CCDC3: variants seen among roughly 807,000 people sequenced by gnomAD.
The protein encoded by CCDC3 is coiled-coil domain-containing protein 3.
A neutral mutation model predicts 21.4 loss-of-function variants in CCDC3; 24 were observed. The ratio of observed to expected loss-of-function variants is 1.12; its 90% confidence interval spans 0.81 to 1.58. The LOEUF is 1.58. Among genes scored for constraint, CCDC3 ranks in the 40% most tolerant of loss-of-function variants. The pLI, the probability that CCDC3 is intolerant of heterozygous loss-of-function variation, is 0.00. For synonymous variants in CCDC3, 186 were observed against 166.0 expected (o/e 1.12, Z -0.93); for missense variants, 425 against 360.9 (o/e 1.18, Z -1.44).
chr10:12,994,408 C>A (rs377728554), intron 2 of CCDC3, among the ~76,000 whole-genome samples: 7,353 of 131,236 alleles, frequency 0.056, 752 homozygotes, highest in African/African-American at 0.2. Flanking sequence ...AAAAACAAAA[C>A]AAAACAAAAA....
At chr10:13,059,915 C>T (rs1277775558) in intron 4 of CCDC3, among the ~76,000 whole-genome samples, 1 of 151,942 alleles carries the variant, frequency 6.6e-6, no homozygotes, top group Non-Finnish European at 1.5e-5. Context: ...GGTGAAACCC[C>T]CTCTCTACTA....
At chr10:13,003,340 T>TAAGAA (rs148560675), upstream of CCDC3, among the ~76,000 whole-genome samples, 10,367 of 152,198 alleles carry the variant, frequency 0.068, 528 homozygotes, top group African/African-American at 0.15. Flanking sequence ...ATTTTACAGA[T>TAAGAA]AACAGGCACA....
At chr10:13,037,129 G>GT (rs1207845040) in intron 5 of CCDC3, among the ~76,000 whole-genome samples, 2 of 151,934 alleles carry the variant, frequency 1.3e-5, no homozygotes, top group Admixed American at 1.3e-4. Flanking sequence ...TAATTCCCAT[G>GT]TTTTTATATA....
chr10:12,976,202 G>C (rs1050185850), intron 2 of CCDC3, among the ~76,000 whole-genome samples: 1 of 152,196 alleles, frequency 6.6e-6, no homozygotes, highest in Non-Finnish European at 1.5e-5. Flanking sequence ...AGCTAGGCAT[G>C]GGCAGCAGGG....
At chr10:13,096,548 G>A (rs899419724) in intron 3 of CCDC3, among the ~76,000 whole-genome samples, 12 of 152,122 alleles carry the variant, frequency 7.9e-5, no homozygotes, top group African/African-American at 2.9e-4. Context: ...TCTGGAGAGG[G>A]GAGGTCTCCT....
At chr10:13,092,093 C>T (rs934965099) in intron 3 of CCDC3, among the ~76,000 whole-genome samples, 2 of 152,112 alleles carry the variant, frequency 1.3e-5, no homozygotes, top group Admixed American at 6.5e-5. Context: ...GTGGTGGAGG[C>T]GGGCACACTG....
intron 2 of CCDC3, among the ~76,000 whole-genome samples, chr10:12,912,428 G>A (rs1161932146): frequency 6.6e-6 from 1 of 152,152 alleles, no homozygotes; most frequent in Non-Finnish European, 1.5e-5. Flanking sequence ...CGTCTTTCTA[G>A]AGGTCTATTT....
chr10:12,928,812 T>C (rs776016214), intron 2 of CCDC3, among the ~76,000 whole-genome samples: 2 of 152,138 alleles, frequency 1.3e-5, no homozygotes, highest in Non-Finnish European at 2.9e-5. Flanking sequence ...TGTTCCAGCA[T>C]CTCTCCAAAG....
chr10:12,908,651 C>G (rs1834216867), intron 2 of CCDC3, among the ~76,000 whole-genome samples: 1 of 147,310 alleles, frequency 6.8e-6, no homozygotes, highest in African/African-American at 2.6e-5. Flanking sequence ...CCTCTGTTGC[C>G]TATGCTGGAG....
rs573509877 is a variant in CCDC3, at chr10:13,033,917, T to C, written c.-2+15757A>G. The stretch of plus-strand genomic sequence containing the variant: ...TGGGACTGTAAACTAGTTCAACCAC[T>C]GTGGAAGACAGTGTGGCTATTCTGC... On this transcript the variant is annotated intron_variant, in intron 5 of 6. Coordinates refer to the CCDC3 transcript ENST00000378839. Among the ~76,000 whole-genome samples the C allele has an allele frequency of 2.8e-3, 430 of 152,324 alleles. 5 individuals carry two copies. The highest frequency in any genetic ancestry group is 1.0e-2 in the African/African-American group (415 of 41,574).
At chr10:12,951,911 G>C (rs1394165605) in intron 2 of CCDC3, among the ~76,000 whole-genome samples, 1 of 148,724 alleles carries the variant, frequency 6.7e-6, no homozygotes, top group Non-Finnish European at 1.5e-5. Flanking sequence ...TGGTGTTTTT[G>C]TAAGAACTCC....
intron 5 of CCDC3, among the ~76,000 whole-genome samples, chr10:13,027,624 T>C (rs1011096948): frequency 6.6e-6 from 1 of 151,790 alleles, no homozygotes; most frequent in African/African-American, 2.4e-5. Context: ...GGCGGGAGGA[T>C]TGCTTGAGCT....
intron 5 of CCDC3, among the ~76,000 whole-genome samples, chr10:13,010,563 G>A: frequency 6.6e-6 from 1 of 152,186 alleles, no homozygotes; most frequent in East Asian, 1.9e-4. Flanking sequence ...CAACTTGACA[G>A]CTGCTTAAAA....
intron 5 of CCDC3, among the ~76,000 whole-genome samples, chr10:13,044,412 A>G (rs545512414): frequency 6.6e-6 from 1 of 152,308 alleles, no homozygotes; most frequent in Admixed American, 6.5e-5. Flanking sequence ...ACTTTGTCAT[A>G]AATTCTTTCC....
At chr10:12,988,493 G>A (rs1280402429) in intron 2 of CCDC3, among the ~76,000 whole-genome samples, 1 of 152,038 alleles carries the variant, frequency 6.6e-6, no homozygotes, top group Non-Finnish European at 1.5e-5. Flanking sequence ...ATAGGTATGT[G>A]CCACTATGCC....
rs114256096 is a variant in CCDC3, at chr10:12,951,953, A to C, written c.549+46385T>G. Among the ~76,000 whole-genome samples, 1,450 of 152,228 alleles carry C rather than the reference A, an allele frequency of 9.5e-3. 23 individuals are homozygous for C. The highest frequency in any genetic ancestry group is 0.033 in the African/African-American group (1,371 of 41,524). The stretch of plus-strand genomic sequence containing the variant: ...TATGTCTCTTGTGCATTCACCTTCC[A>C]AGAAACTCAGTCCCTGTCTGTACCA... On this transcript the variant is annotated intron_variant, in intron 2 of 2. Coordinates refer to ENST00000378825, the MANE Select transcript of CCDC3 (RefSeq NM_031455.4).
chr10:12,960,128 T>C (rs1234204178), intron 2 of CCDC3, among the ~76,000 whole-genome samples: 4 of 150,684 alleles, frequency 2.7e-5, no homozygotes. Flanking sequence ...CATTCCAGCC[T>C]GGGCCACAGA....
intron 2 of CCDC3, among the ~76,000 whole-genome samples, chr10:12,948,467 GCACACACA>G (rs35847630): frequency 3.4e-5 from 5 of 148,368 alleles, no homozygotes; most frequent in South Asian, 2.2e-4. Context: ...GCAGACAATT[GCACACACA>G]CACACACACA....
intron 2 of CCDC3, among the ~76,000 whole-genome samples, chr10:12,962,620 C>A (rs1835197077): frequency 6.6e-6 from 1 of 152,074 alleles, no homozygotes; most frequent in Non-Finnish European, 1.5e-5. Flanking sequence ...AAAATTTAAA[C>A]AAATAAAATG....
Sources: gnomAD v4.1 joint callset for allele counts (sites outside exome capture counted in the v4.1 genomes callset) on GRCh38, gnomAD v4.1.1 for gene constraint, MANE v1.5 for transcripts, NCBI Gene and HGNC (gene_info 2026-07-23, HGNC 2026-07-21) for gene names.